The following CNTN5 variants were observed in gnomAD, a reference collection of about 807,000 sequenced individuals.
CNTN5 encodes the protein contactin-5.
A neutral mutation model predicts 129.1 loss-of-function variants in CNTN5; 77 were observed. The observed-to-expected ratio is 0.60, with a 90% CI of 0.50 to 0.72. CNTN5 has a LOEUF of 0.72. Among genes scored for constraint, CNTN5 ranks in the 30% least tolerant of loss-of-function variants. The pLI is 0.00. For missense variants in CNTN5, 1,478 were observed against 1,328.8 expected (o/e 1.11, Z -1.75); for synonymous variants, 509 against 465.6 (o/e 1.09, Z -1.20).
intron 1 of CNTN5, among the ~76,000 whole-genome samples, chr11:99,090,103 T>C (rs1180090441): frequency 6.6e-6 from 1 of 152,220 alleles, no homozygotes; most frequent in Non-Finnish European, 1.5e-5. Flanking sequence ...TTGTTTTTAA[T>C]AGATAAATGT....
chr11:99,640,028 G>C (rs1951713987), intron 3 of CNTN5, among the ~76,000 whole-genome samples: 1 of 152,128 alleles, frequency 6.6e-6, no homozygotes, highest in East Asian at 1.9e-4. Flanking sequence ...CAGCTCCCAG[G>C]AAGTTTCTCA....
At chr11:99,796,635 C>T (rs928076994) in intron 3 of CNTN5, among the ~76,000 whole-genome samples, 10 of 151,574 alleles carry the variant, frequency 6.6e-5, no homozygotes, top group African/African-American at 1.5e-4. Context: ...CAGGTGAGGC[C>T]AGCAGACAGG....
rs181251017 is a variant in CNTN5, at chr11:99,948,139, A to T, written c.674-8667A>T. On this transcript the variant is annotated intron_variant, in intron 7 of 24. Transcript: ENST00000524871. ...AAACACTGTCATCTTGTGGACTGCC[A>T]TTGATTTCAGAAAATACAGGCTAAT... Among the ~76,000 whole-genome samples the T allele has an allele frequency of 2.6e-5, 4 of 152,342 alleles. No homozygotes were observed. The East Asian group carries it at 5.8e-4, about 22-fold the overall frequency.
At chr11:99,657,791 G>A (rs1215793199) in intron 3 of CNTN5, among the ~76,000 whole-genome samples, 1 of 152,012 alleles carries the variant, frequency 6.6e-6, no homozygotes, top group Non-Finnish European at 1.5e-5. Flanking sequence ...TTGAGCAGGA[G>A]AACATAAAAA....
At chr11:100,192,303 C>T (rs149064876) in intron 14 of CNTN5, among the ~76,000 whole-genome samples, 2 of 152,134 alleles carry the variant, frequency 1.3e-5, no homozygotes, top group Non-Finnish European at 2.9e-5. Context: ...ACACTCCAAT[C>T]CCCACAAAAT....
At chr11:99,695,558 A>G (rs2134823432) in intron 3 of CNTN5, among the ~76,000 whole-genome samples, 1 of 152,138 alleles carries the variant, frequency 6.6e-6, no homozygotes, top group Non-Finnish European at 1.5e-5. Flanking sequence ...ATAGAAATCC[A>G]TTAGATTTAG....
chr11:100,256,319 T>A (rs1157493208), intron 17 of CNTN5, among the ~76,000 whole-genome samples: 1 of 152,198 alleles, frequency 6.6e-6, no homozygotes, highest in Non-Finnish European at 1.5e-5. Flanking sequence ...CTTATTAGGA[T>A]CTCACTAGTT....
At chr11:99,557,862 T>C (rs1393457370) in intron 3 of CNTN5, among the ~76,000 whole-genome samples, 2 of 151,718 alleles carry the variant, frequency 1.3e-5, no homozygotes, top group African/African-American at 4.8e-5. Context: ...ATCTGCAGCA[T>C]ACCTGCACTC....
chr11:100,312,462 CA>C (rs2138934198), intron 21 of CNTN5, among the ~76,000 whole-genome samples: 1 of 152,040 alleles, frequency 6.6e-6, no homozygotes, highest in African/African-American at 2.4e-5. Context: ...TTTTCTCTAT[CA>C]AAAATGTCAC....
At chr11:99,949,937 A>G (rs1370772548) in intron 7 of CNTN5, among the ~76,000 whole-genome samples, 1 of 152,206 alleles carries the variant, frequency 6.6e-6, no homozygotes, top group Non-Finnish European at 1.5e-5. Flanking sequence ...TTAAATGTGC[A>G]TAAAATATTT....
intron 18 of CNTN5, among the ~76,000 whole-genome samples, chr11:100,288,618 G>A (rs1338178639): frequency 6.6e-6 from 1 of 151,934 alleles, no homozygotes; most frequent in African/African-American, 2.4e-5. Context: ...AGTGTGTACA[G>A]GGAAATTTAT....
At chr11:99,580,483 T>A (rs1949538692) in intron 3 of CNTN5, among the ~76,000 whole-genome samples, 1 of 152,180 alleles carries the variant, frequency 6.6e-6, no homozygotes, top group Non-Finnish European at 1.5e-5. Flanking sequence ...GTTGGTAATC[T>A]ATTAATTATT....
At chr11:99,421,042 T>C (rs1456428361) in intron 2 of CNTN5, among the ~76,000 whole-genome samples, 1 of 152,118 alleles carries the variant, frequency 6.6e-6, no homozygotes, top group Non-Finnish European at 1.5e-5. Flanking sequence ...GAAATTATAA[T>C]TGTGTCTTTC....
At chr11:99,287,740 T>C (rs562923117) in intron 1 of CNTN5, among the ~76,000 whole-genome samples, 39 of 152,002 alleles carry the variant, frequency 2.6e-4, no homozygotes, top group Non-Finnish European at 4.4e-4. Context: ...TACAATAGTA[T>C]ATAAGGACAT....
At chr11:99,992,085 G>A (rs1301066111) in intron 8 of CNTN5, among the ~76,000 whole-genome samples, 1 of 152,182 alleles carries the variant, frequency 6.6e-6, no homozygotes, top group African/African-American at 2.4e-5. Context: ...TGGCAAAGAT[G>A]TTGAAGGCAA....
intron 10 of CNTN5, among the ~76,000 whole-genome samples, chr11:100,063,531 T>C (rs191358698): frequency 2.4e-4 from 37 of 152,084 alleles, no homozygotes; most frequent in Middle Eastern, 3.4e-3. Flanking sequence ...CCAGGCTCCA[T>C]CAGGAGGCCA....
intron 3 of CNTN5, among the ~76,000 whole-genome samples, chr11:99,630,931 T>G (rs918137976): frequency 2.0e-5 from 3 of 152,310 alleles, no homozygotes; most frequent in African/African-American, 7.2e-5. Context: ...TTTCCCTAAC[T>G]CATCCCTCAT....
intron 4 of CNTN5, among the ~76,000 whole-genome samples, chr11:99,836,479 T>C (rs1947311430): frequency 6.6e-6 from 1 of 152,112 alleles, no homozygotes; most frequent in African/African-American, 2.4e-5. Flanking sequence ...AACTCATCCT[T>C]TTTTATGGCT....
chr11:99,244,094 G>A (rs1014926537), intron 1 of CNTN5, among the ~76,000 whole-genome samples: 1 of 152,086 alleles, frequency 6.6e-6, no homozygotes, highest in Non-Finnish European at 1.5e-5. Context: ...TCCAATCCAT[G>A]AACATAGAAT....
Sources: allele counts gnomAD v4.1 joint callset (sites outside exome capture counted in the v4.1 genomes callset), GRCh38; gene constraint gnomAD v4.1.1; transcripts MANE v1.5; gene names NCBI Gene and HGNC (gene_info 2026-07-23, HGNC 2026-07-21).